The following DAPK1 variants were observed in gnomAD, a reference collection of about 807,000 sequenced individuals.
The protein encoded by DAPK1 is death associated protein kinase 1.
In DAPK1, 56 loss-of-function variants were observed where a neutral mutation model predicts 144.9. The observed-to-expected ratio is 0.39, with a 90% CI of 0.31 to 0.48. DAPK1 has a LOEUF of 0.48. Among genes scored for constraint, DAPK1 ranks in the 20% least tolerant of loss-of-function variants. The pLI, the probability that DAPK1 is intolerant of heterozygous loss-of-function variation, is 0.95. For missense variants in DAPK1, 1,454 were observed against 1,875.4 expected (o/e 0.78, Z 4.15); for synonymous variants, 690 against 749.0 (o/e 0.92, Z 1.29).
intron 3 of DAPK1, among the ~76,000 whole-genome samples, chr9:87,612,276 T>C (rs947732079): frequency 6.6e-6 from 1 of 152,182 alleles, no homozygotes; most frequent in African/African-American, 2.4e-5. Context: ...CCTTTTTGGA[T>C]ATGAGATTGT....
chr9:87,570,134 T>C lies in DAPK1; in HGVS notation c.63-34820T>C, dbSNP rs575713198. ...TTTAATCACTTTGATAAGAGAAAAA[T>C]TTATGTTAGTTGCAGTCCAGGAAAA... On this transcript the variant is annotated intron_variant, in intron 2 of 25. Coordinates refer to ENST00000408954, the MANE Select transcript of DAPK1 (RefSeq NM_004938.4). Among the ~76,000 whole-genome samples the C allele has an allele frequency of 2.6e-5, 4 of 152,248 alleles. No individual in the cohort carries two copies. The East Asian group carries it at 5.8e-4, about 22-fold the overall frequency.
chr9:87,685,968 G>A (rs567042921), intron 20 of DAPK1, among the ~76,000 whole-genome samples: 1 of 152,306 alleles, frequency 6.6e-6, no homozygotes, highest in South Asian at 2.1e-4. Context: ...AAGGCCTCAA[G>A]TGGAGACTCG....
intron 2 of DAPK1, among the ~76,000 whole-genome samples, chr9:87,588,644 C>G (rs1307823978): frequency 6.6e-6 from 1 of 152,082 alleles, no homozygotes. Context: ...CTCTGTCACT[C>G]AGAAGGCACA....
At chr9:87,580,935 CTTGACA>C (rs1170761166) in intron 2 of DAPK1, among the ~76,000 whole-genome samples, 1 of 152,162 alleles carries the variant, frequency 6.6e-6, no homozygotes, top group Non-Finnish European at 1.5e-5. Flanking sequence ...CTTTGTACAA[CTTGACA>C]TTGACACTAC....
chr9:87,669,113 A>C (rs1047541023), intron 19 of DAPK1, among the ~76,000 whole-genome samples: 1 of 152,226 alleles, frequency 6.6e-6, no homozygotes, highest in Non-Finnish European at 1.5e-5. Flanking sequence ...AGCCTACAAC[A>C]TGACAGTTGT....
intron 12 of DAPK1, 144 bp downstream of exon 12, chr9:87,646,158 A>C: frequency 9.6e-7 from 1 of 1,043,064 alleles, no homozygotes; most frequent in Non-Finnish European, 1.4e-6. Flanking sequence ...TCTGTTTAGA[A>C]AGTGATTTGA....
At chr9:87,590,098 T>C (rs1828071876) in intron 2 of DAPK1, among the ~76,000 whole-genome samples, 2 of 152,170 alleles carry the variant, frequency 1.3e-5, no homozygotes, top group South Asian at 4.1e-4. Context: ...TTTCTAGGAA[T>C]TAATAAGCCA....
At chr9:87,627,135 G>A (rs1587784806) in intron 3 of DAPK1, among the ~76,000 whole-genome samples, 1 of 152,284 alleles carries the variant, frequency 6.6e-6, no homozygotes, top group Admixed American at 6.5e-5. Flanking sequence ...TTCAGACCCA[G>A]CAGGTTGGCC....
intron 11 of DAPK1, among the ~76,000 whole-genome samples, chr9:87,644,351 C>T (rs1830198054): frequency 6.6e-6 from 1 of 152,008 alleles, no homozygotes; most frequent in South Asian, 2.1e-4. Flanking sequence ...GGACTCCAGA[C>T]AAGGCAGCCA....
rs563464944 is a variant in DAPK1, at chr9:87,676,190, G to A, written c.2002-5214G>A. On this transcript the variant is annotated intron_variant, in intron 19 of 25. Transcript: ENST00000408954. ...CACCTGGCCCAGCCAGGGAGGGCCCGACCAGCCTGGGCTTCGTGCCAGCCA... is the reference window on the plus strand; with the variant it reads ...CACCTGGCCCAGCCAGGGAGGGCCCAACCAGCCTGGGCTTCGTGCCAGCCA... Among the ~76,000 whole-genome samples the A allele has an allele frequency of 4.6e-5, 7 of 152,344 alleles. No individual in the cohort carries two copies. In the South Asian group the frequency reaches 6.2e-4, roughly 14 times the overall value.
chr9:87,680,175 G>A lies in DAPK1; in HGVS notation c.2002-1229G>A, dbSNP rs187194586. Among the ~76,000 whole-genome samples the A allele has an allele frequency of 4.4e-3, 674 of 152,084 alleles. 3 individuals are homozygous for A. Among genetic ancestry groups the A allele is most frequent in the African/African-American group, 0.015 (619 of 41,470 alleles). ...GCTGGAGTGCAGTGGCGTGATCTCCGCTCACTGCAAGCTCCACCTCCGAGG... is the reference window on the plus strand; with the variant it reads ...GCTGGAGTGCAGTGGCGTGATCTCCACTCACTGCAAGCTCCACCTCCGAGG... On this transcript the variant is annotated intron_variant, in intron 19 of 25. Transcript: ENST00000408954.
intron 22 of DAPK1, chr9:87,698,444 C>T: frequency 2.1e-6 from 1 of 487,362 alleles, no homozygotes; most frequent in South Asian, 3.5e-5. Flanking sequence ...TCCTTGTGGC[C>T]TAGGAGATAG....
At chr9:87,692,952 CTTTTTTTTTTTTTTTTTTTTTTTTTTTT>C (rs61324273) in intron 21 of DAPK1, among the ~76,000 whole-genome samples, 1 of 26,380 alleles carries the variant, frequency 3.8e-5, no homozygotes, top group Non-Finnish European at 8.1e-5. Context: ...AGTGACTAGA[CTTTTTTTTTTTTTTTTTTTTTTTTTTTT>C]TTTTTTTTTT....
chr9:87,619,572 A>G (rs1353695079), intron 3 of DAPK1, among the ~76,000 whole-genome samples: 1 of 152,090 alleles, frequency 6.6e-6, no homozygotes, highest in African/African-American at 2.4e-5. Context: ...GACCTGCCAT[A>G]CTCTAAGTAG....
chr9:87,632,079 A>AGTATATATG, intron 3 of DAPK1: 1 of 736,416 alleles, frequency 1.4e-6, no homozygotes, highest in Non-Finnish European at 1.7e-6. Flanking sequence ...AAAGTTAATT[A>AGTATATATG]GTATATATGT....
chr9:87,550,116 C>T (rs1413761905), intron 2 of DAPK1, among the ~76,000 whole-genome samples: 2 of 152,144 alleles, frequency 1.3e-5, no homozygotes, highest in Non-Finnish European at 1.5e-5. Context: ...AACATGAACC[C>T]CTGTCAGGAT....
chr9:87,623,451 A>G (rs1233318885), intron 3 of DAPK1, among the ~76,000 whole-genome samples: 2 of 152,110 alleles, frequency 1.3e-5, no homozygotes, highest in Non-Finnish European at 2.9e-5. Context: ...TTTTCTTGGC[A>G]CAGTTGGCAG....
At chr9:87,536,737 T>C (rs1825873798) in intron 2 of DAPK1, among the ~76,000 whole-genome samples, 1 of 152,206 alleles carries the variant, frequency 6.6e-6, no homozygotes, top group African/African-American at 2.4e-5. Context: ...TTTTCCTATG[T>C]TATTTGCCTT....
At chr9:87,660,350 C>G (rs1225826018) in intron 18 of DAPK1, among the ~76,000 whole-genome samples, 1 of 152,056 alleles carries the variant, frequency 6.6e-6, no homozygotes, top group Non-Finnish European at 1.5e-5. Context: ...GAAACGTGAC[C>G]ACACCACATC....
Sources: gnomAD v4.1 joint callset for allele counts (sites outside exome capture counted in the v4.1 genomes callset) on GRCh38, gnomAD v4.1.1 for gene constraint, MANE v1.5 for transcripts, NCBI Gene and HGNC (gene_info 2026-07-23, HGNC 2026-07-21) for gene names.